LAMB4: variants seen among roughly 807,000 people sequenced by gnomAD.
LAMB4 encodes laminin subunit beta 4.
In LAMB4, 196 loss-of-function variants were observed where a neutral mutation model predicts 199.2. The ratio of observed to expected loss-of-function variants is 0.98; its 90% confidence interval spans 0.88 to 1.11. The LOEUF is 1.11. Among genes scored for constraint, LAMB4 ranks in the 50% least tolerant of loss-of-function variants. The probability of loss-of-function intolerance (pLI) is 0.00; values close to 1 mark genes in which losing one functional copy is unlikely to be tolerated. For synonymous variants in LAMB4, 744 were observed against 770.6 expected (o/e 0.97, Z 0.57); for missense variants, 2,080 against 2,171.2 (o/e 0.96, Z 0.83).
intron 31 of LAMB4, among the ~76,000 whole-genome samples, chr7:108,031,310 G>A (rs1185839374): frequency 4.1e-5 from 2 of 48,418 alleles, no homozygotes; most frequent in South Asian, 6.6e-4. Context: ...GTGACAAAGA[G>A]ATAACTTGTC....
At chr7:108,019,039 G>A (rs2034638320), downstream of LAMB4, among the ~76,000 whole-genome samples, 1 of 152,116 alleles carries the variant, frequency 6.6e-6, no homozygotes, top group Admixed American at 6.5e-5. Flanking sequence ...ATTGAAGGTA[G>A]GGGGGAAACA....
At chr7:108,045,580 T>C (rs1437696082) in intron 28 of LAMB4, among the ~76,000 whole-genome samples, 1 of 152,262 alleles carries the variant, frequency 6.6e-6, no homozygotes, top group Admixed American at 6.5e-5. Flanking sequence ...GACTTAATGA[T>C]ATGATCAAGT....
chr7:108,068,463 G>A (rs982211680), intron 18 of LAMB4, among the ~76,000 whole-genome samples: 2 of 152,088 alleles, frequency 1.3e-5, no homozygotes, highest in African/African-American at 2.4e-5. Context: ...AATACTATTG[G>A]CATTCTTAAT....
chr7:108,110,288 C>A (rs1320942247), intron 4 of LAMB4, among the ~76,000 whole-genome samples: 2 of 152,210 alleles, frequency 1.3e-5, no homozygotes, highest in Non-Finnish European at 2.9e-5. Flanking sequence ...CTTGGCCTCC[C>A]AAAGTGCTGG....
At chr7:108,069,133 T>C (rs1211434223) in intron 18 of LAMB4, among the ~76,000 whole-genome samples, 1 of 152,222 alleles carries the variant, frequency 6.6e-6, no homozygotes, top group Non-Finnish European at 1.5e-5. Flanking sequence ...TCTATAGCCA[T>C]GCTTCTCAAC....
chr7:108,091,842 G>T (rs2037417559), intron 13 of LAMB4, 66 bp from the exon 14 acceptor site: 7 of 1,517,936 alleles, frequency 4.6e-6, no homozygotes, highest in Non-Finnish European at 5.4e-6. Flanking sequence ...AGGTGTAGGG[G>T]TGCTGGGCTA....
intron 2 of LAMB4, among the ~76,000 whole-genome samples, chr7:108,120,851 T>C (rs530214726): frequency 2.0e-5 from 3 of 152,400 alleles, no homozygotes; most frequent in Admixed American, 2.0e-4. Context: ...CATGTTTTTA[T>C]AACCTGACTT....
At chr7:108,093,528 A>T (rs546618176) in intron 12 of LAMB4, among the ~76,000 whole-genome samples, 1 of 152,328 alleles carries the variant, frequency 6.6e-6, no homozygotes, top group South Asian at 2.1e-4. Context: ...TTTATCAATC[A>T]GTTGTTTTGG....
At chr7:108,015,748 C>CTTTTTTTTTTTTTTTTTTTT in the LAMB4 span, among the ~76,000 whole-genome samples, 1 of 123,494 alleles carries the variant, frequency 8.1e-6, no homozygotes, top group African/African-American at 2.8e-5. Context: ...GTTTTGAAGA[C>CTTTTTTTTTTTTTTTTTTTT]TTTTTTTTTT....
chr7:108,102,950 G>A, intron 10 of LAMB4, 94 bp downstream of exon 10: 1 of 1,059,854 alleles, frequency 9.4e-7, no homozygotes, highest in Non-Finnish European at 1.3e-6. Flanking sequence ...GTTTGGAGAT[G>A]CCGTTAAGCA....
the LAMB4 span, among the ~76,000 whole-genome samples, chr7:108,014,774 G>A: frequency 6.6e-6 from 1 of 151,416 alleles, no homozygotes; most frequent in Non-Finnish European, 1.5e-5. Context: ...TAAGGCTGGA[G>A]TGCAGTGGTG....
intron 10 of LAMB4, among the ~76,000 whole-genome samples, chr7:108,102,069 A>G (rs963998286): frequency 6.6e-6 from 1 of 152,206 alleles, no homozygotes; most frequent in African/African-American, 2.4e-5. Flanking sequence ...TTTGAAGTCC[A>G]TACTCCATGG....
chr7:108,044,955 CAAAAAAAAA>C (rs756256335), intron 28 of LAMB4, among the ~76,000 whole-genome samples: 1 of 56,578 alleles, frequency 1.8e-5, no homozygotes, highest in Non-Finnish European at 3.3e-5. Flanking sequence ...ATTCTTGTCT[CAAAAAAAAA>C]AAAAAAAAAA....
rs1402755919 is a variant in LAMB4 at position 108,076,976 on chromosome 7, A to C, written c.2092T>G (p.Ser698Ala). 1 of 1,614,034 alleles carries C rather than the reference A, an allele frequency of 6.2e-7. No homozygotes were observed. Among genetic ancestry groups the C allele is most frequent in the Admixed American group, 1.7e-5 (1 of 60,016 alleles). Residue 698 changes from serine (S) to alanine (A), a missense_variant, in exon 17 of 34, where the codon TCC becomes GCC. By Grantham distance (99) the Ser-to-Ala change is moderately conservative. Transcript: ENST00000388781. Reference protein sequence around the residue: ...VYFSQPLQGESHAHSHVLVDS... With the variant: ...VYFSQPLQGEAHAHSHVLVDS... ...ACCAGGACATGTGAATGAGCGTGGG[A>C]CTCTCCTTGCAAAGGCTGAGAAAAA...
chr7:108,048,469 T>C (rs2035720025), intron 27 of LAMB4, among the ~76,000 whole-genome samples: 2 of 152,214 alleles, frequency 1.3e-5, no homozygotes, highest in African/African-American at 4.8e-5. Context: ...GTCAGAACTC[T>C]AATGCCATCC....
intron 14 of LAMB4, among the ~76,000 whole-genome samples, chr7:108,083,798 G>A (rs569686146): frequency 6.6e-6 from 1 of 152,338 alleles, no homozygotes; most frequent in South Asian, 2.1e-4. Context: ...CACTCCCAGT[G>A]ACCATGGTAA....
At chr7:108,069,279 C>T (rs1255821237) in intron 18 of LAMB4, among the ~76,000 whole-genome samples, 1 of 152,182 alleles carries the variant, frequency 6.6e-6, no homozygotes, top group Non-Finnish European at 1.5e-5. Context: ...ATGGGGCAGG[C>T]CCCCGCAGCA....
chr7:108,035,266 C>A (rs929957009), intron 30 of LAMB4, among the ~76,000 whole-genome samples: 3 of 152,052 alleles, frequency 2.0e-5, no homozygotes, highest in Non-Finnish European at 4.4e-5. Flanking sequence ...GCAGGCCAGG[C>A]GTGGTGGCTC....
chr7:108,035,534 C>T (rs1285178649), intron 30 of LAMB4, among the ~76,000 whole-genome samples: 1 of 130,606 alleles, frequency 7.7e-6, no homozygotes, highest in African/African-American at 2.9e-5. Flanking sequence ...AGAATGAGAC[C>T]CTGTCTCAAA....
Sources: allele counts gnomAD v4.1 joint callset (sites outside exome capture counted in the v4.1 genomes callset), GRCh38; gene constraint gnomAD v4.1.1; transcripts MANE v1.5; gene names NCBI Gene and HGNC (gene_info 2026-07-23, HGNC 2026-07-21).